The following SIMC1 variants were observed in gnomAD, a reference collection of about 807,000 sequenced individuals.
SIMC1 encodes the protein SUMO-interacting motif-containing protein 1.
A neutral mutation model predicts 82.3 loss-of-function variants in SIMC1; 55 were observed. The ratio of observed to expected loss-of-function variants is 0.67; its 90% confidence interval spans 0.54 to 0.84. The LOEUF (loss-of-function observed/expected upper bound fraction) is 0.84, where lower values mean the gene tolerates loss of function less well. SIMC1 is among the 40% of genes least tolerant of loss of function. The pLI is 0.00. For synonymous variants in SIMC1, 353 were observed against 426.3 expected (o/e 0.83, Z 2.12); for missense variants, 915 against 1,107.2 (o/e 0.83, Z 2.46).
At chr5:176,288,547 T>C (rs1218408955) in intron 1 of SIMC1, among the ~76,000 whole-genome samples, 1 of 152,168 alleles carries the variant, frequency 6.6e-6, no homozygotes, top group Non-Finnish European at 1.5e-5. Flanking sequence ...GCTATTTATG[T>C]TCAGTTCTTG....
chr5:176,263,430 C>T (rs1432883112), intron 1 of SIMC1: 3 of 1,543,600 alleles, frequency 1.9e-6, no homozygotes, highest in Non-Finnish European at 2.6e-6. Flanking sequence ...GAACAAGAAG[C>T]ATGGCACCAG....
At chr5:176,274,861 G>A (rs1179530528) in intron 1 of SIMC1, among the ~76,000 whole-genome samples, 1 of 151,740 alleles carries the variant, frequency 6.6e-6, no homozygotes, top group Non-Finnish European at 1.5e-5. Context: ...CCAGTACCAT[G>A]CTCTTTTGGT....
chr5:176,252,527 A>G lies in SIMC1; in HGVS notation c.129+13890A>G, dbSNP rs567727592. Among the ~76,000 whole-genome samples the G allele has an allele frequency of 3.2e-3, 457 of 144,156 alleles. 2 individuals carry two copies. The highest frequency in any genetic ancestry group is 0.012 in the African/African-American group (439 of 38,010). The allele number at this position is 144,156 out of a possible 152,430, so 94.6% of individuals were successfully genotyped here. ...GGGTGGCGGGGCAGAGGCGCTTCCC[A>G]CATCTCAGACGATGGGCGGCCGGGC... On this transcript the variant is annotated intron_variant, in intron 1 of 9. Transcript: ENST00000429602.
At chr5:176,332,055 T>A (rs1765694214) in intron 7 of SIMC1, among the ~76,000 whole-genome samples, 1 of 152,138 alleles carries the variant, frequency 6.6e-6, no homozygotes, top group South Asian at 2.1e-4. Flanking sequence ...AGAAAAAAGG[T>A]TATGTTTATT....
intron 5 of SIMC1, among the ~76,000 whole-genome samples, chr5:176,319,045 G>T (rs1042740777): frequency 1.3e-5 from 2 of 152,178 alleles, no homozygotes; most frequent in Non-Finnish European, 2.9e-5. Flanking sequence ...GGTGGCAGAG[G>T]TTGCACTGAG....
At position 176,238,614 on chromosome 5, in the gene SIMC1, G is replaced by A. The variant is rs1291662551; in HGVS notation, c.106G>A (p.Gly36Ser). 26 of 1,236,650 alleles carry A rather than the reference G, an allele frequency of 2.1e-5. No individual in the cohort carries two copies. Among genetic ancestry groups the A allele is most frequent in the Middle Eastern group, 3.3e-4 (1 of 3,046 alleles). 76.6% of individuals were successfully genotyped at this position (1,236,650 alleles called of 1,614,324 possible). Residue 36 changes from glycine (G) to serine (S), a missense_variant, in exon 1 of 10, where the codon GGC (glycine) becomes AGC (serine). Physicochemically the swap from Gly to Ser is moderately conservative, Grantham distance 56. Transcript: ENST00000429602. ...GCGCCGGGCCCTGTCGCGAACCTCC[G>A]GCGCGCTGCCCCGCCGGACCGTGGT... ...RPRRALSRTS[G>S]ALPRRTVDFI...
rs1215953901 is a variant in SIMC1, at chr5:176,276,182, C to T, written c.130-13472C>T. On this transcript the variant is annotated intron_variant, in intron 1 of 9. Transcript: ENST00000429602. ...ATTGGTCTGTTCAGAGATTCAACTT[C>T]TTCCTGGTTTAGTCTTAGGAGGGTG... Among the ~76,000 whole-genome samples the T allele has an allele frequency of 2.0e-5, 3 of 151,702 alleles. 1 individual carries two copies. The highest frequency in any genetic ancestry group is 7.3e-5 in the African/African-American group (3 of 41,244).
rs1156931595 is a variant in SIMC1, at chr5:176,290,247, A to G, written c.723A>G (p.Ser241=). The G allele has an allele frequency of 1.2e-6, 2 of 1,611,904 alleles. No homozygotes were observed. Among genetic ancestry groups the G allele is most frequent in the Non-Finnish European group, 1.7e-6 (2 of 1,178,960 alleles). Residue 241 remains serine (S), a synonymous_variant, in exon 2 of 10, where the codon TCA becomes TCG. Transcript: ENST00000429602. The part of the protein sequence containing the change: ...RASPCPPRAS[S]CPPRALSCPS... ...CACCATGTCCACCACGAGCCTCCTC[A>G]TGCCCACCACGAGCCTTGTCATGCC...
chr5:176,274,732 A>G (rs1425032857), intron 1 of SIMC1, among the ~76,000 whole-genome samples: 10 of 151,944 alleles, frequency 6.6e-5, no homozygotes, highest in East Asian at 5.8e-4. Context: ...ATGGCTAGCC[A>G]GTTTTCCCAG....
chr5:176,308,025 A>G, intron 4 of SIMC1: 1 of 670,206 alleles, frequency 1.5e-6, no homozygotes, highest in Admixed American at 2.2e-5. Context: ...ACAAAATGAA[A>G]TACTATTTAG....
In SIMC1 at chr5:176,340,982, A is replaced by G. The variant is rs142429927; in HGVS notation, c.2413+3836A>G. ...GCCAACATGGCAGATCCCCATCTCT[A>G]CTAAAAATACAAAAATTAGCCAGGC... On this transcript the variant is annotated intron_variant, in intron 9 of 9. Coordinates refer to ENST00000429602, the MANE Select transcript of SIMC1 (RefSeq NM_001308195.2). 5.1e-3 allele frequency among the ~76,000 whole-genome samples: 784 copies of G among 152,258 alleles called. 8 individuals carry two copies. The highest frequency in any genetic ancestry group is 0.018 in the African/African-American group (758 of 41,532).
rs555600632 is a variant in SIMC1 at position 176,308,535 on chromosome 5, A to G, written c.1735-5156A>G. 469 of 1,603,914 alleles carry G rather than the reference A, an allele frequency of 2.9e-4. 2 individuals are homozygous for G. In the African/African-American group the frequency reaches 5.3e-3, roughly 18 times the overall value. ...TGTAGGACTTATTTTTTCCTGTTTC[A>G]TAGAAGATAAGAACACAAGGGCTGG... On this transcript the variant is annotated intron_variant, in intron 4 of 9. Coordinates refer to ENST00000429602, the MANE Select transcript of SIMC1 (RefSeq NM_001308195.2).
chr5:176,283,799 A>T (rs1763130834), intron 1 of SIMC1, among the ~76,000 whole-genome samples: 2 of 152,232 alleles, frequency 1.3e-5, no homozygotes, highest in Non-Finnish European at 2.9e-5. Context: ...GCAGAGGCAC[A>T]CATAGGCTCA....
At chr5:176,282,428 G>A (rs1005910381) in intron 1 of SIMC1, among the ~76,000 whole-genome samples, 15 of 152,230 alleles carry the variant, frequency 9.9e-5, no homozygotes, top group African/African-American at 3.6e-4. Flanking sequence ...CGCATGGTGC[G>A]CTGCACCCAC....
chr5:176,302,921 G>A (rs918914001), intron 4 of SIMC1, among the ~76,000 whole-genome samples: 1 of 152,122 alleles, frequency 6.6e-6, no homozygotes, highest in Non-Finnish European at 1.5e-5. Context: ...AAATGGTAAG[G>A]CTTCCTATAT....
intron 4 of SIMC1, among the ~76,000 whole-genome samples, chr5:176,304,124 A>G (rs1238993715): frequency 6.6e-6 from 1 of 152,172 alleles, no homozygotes; most frequent in Non-Finnish European, 1.5e-5. Context: ...TACCAAATAG[A>G]GTGAAAAGGC....
intron 4 of SIMC1, among the ~76,000 whole-genome samples, chr5:176,311,652 GGA>G (rs1483661920): frequency 6.6e-6 from 1 of 151,860 alleles, no homozygotes; most frequent in Non-Finnish European, 1.5e-5. Context: ...GGTAGTTAAA[GGA>G]GGGGAGAAAA....
At chr5:176,242,543 C>G (rs1157382599) in intron 1 of SIMC1, among the ~76,000 whole-genome samples, 2 of 150,842 alleles carry the variant, frequency 1.3e-5, no homozygotes, top group Non-Finnish European at 3.0e-5. Flanking sequence ...TGTGAGTTTT[C>G]CAAATTGTTA....
At chr5:176,282,382 C>G (rs1431492764) in intron 1 of SIMC1, among the ~76,000 whole-genome samples, 1 of 152,254 alleles carries the variant, frequency 6.6e-6, no homozygotes, top group Non-Finnish European at 1.5e-5. Flanking sequence ...CCTTGCGCTT[C>G]CGGAGTGAGG....
Sources: allele counts gnomAD v4.1 joint callset (sites outside exome capture counted in the v4.1 genomes callset), GRCh38; gene constraint gnomAD v4.1.1; transcripts MANE v1.5; gene names NCBI Gene and HGNC (gene_info 2026-07-23, HGNC 2026-07-21).